Variants in JAKMIP1 observed in about 807,000 individuals in gnomAD.
JAKMIP1 encodes the protein janus kinase and microtubule interacting protein 1, also known as janus kinase and microtubule-interacting protein 1.
A neutral mutation model predicts 113.0 loss-of-function variants in JAKMIP1; 33 were observed. That is an observed-to-expected ratio of 0.29 (90% confidence interval 0.22 to 0.39). The LOEUF (loss-of-function observed/expected upper bound fraction) is 0.39. JAKMIP1 is among the 10% of genes least tolerant of loss of function. The pLI is 1.00. For synonymous variants in JAKMIP1, 480 were observed against 459.9 expected (o/e 1.04, Z -0.56); for missense variants, 813 against 1,080.5 (o/e 0.75, Z 3.47).
intron 11 of JAKMIP1, among the ~76,000 whole-genome samples, chr4:6,056,973 C>T (rs1469350877): frequency 6.6e-6 from 1 of 152,216 alleles, no homozygotes; most frequent in African/African-American, 2.4e-5. Context: ...ACTTCGTTCA[C>T]ATTCCCAAAA....
At chr4:6,152,667 T>G (rs1721714306) in intron 1 of JAKMIP1, among the ~76,000 whole-genome samples, 1 of 150,824 alleles carries the variant, frequency 6.6e-6, no homozygotes, top group Non-Finnish European at 1.5e-5. Context: ...CCTGGCCGAG[T>G]GTGGTGCCTC....
rs1211884051 is a variant in JAKMIP1, at chr4:6,193,831, T to C, written c.-148+6422A>G. Among the ~76,000 whole-genome samples the C allele has an allele frequency of 6.6e-6, 1 of 152,110 alleles. No individual in the cohort carries two copies. The stretch of plus-strand genomic sequence containing the variant: ...AATAGGACCTGAGCAGCCAAAGCCC[T>C]GGGAAGAAAATGTTAACACCCTGAG... On this transcript the variant is annotated intron_variant, in intron 1 of 20. Transcript: ENST00000409021. This position sits in a 1 kb window ranked among gnomAD's most constrained non-coding sequence, Gnocchi z 6.4.
intron 3 of JAKMIP1, among the ~76,000 whole-genome samples, chr4:6,103,431 T>A (rs1259137046): frequency 6.6e-6 from 1 of 152,226 alleles, no homozygotes; most frequent in Non-Finnish European, 1.5e-5. Context: ...CTCGTACTCT[T>A]GTATCTATGT....
At chr4:6,189,340 T>TA (rs960614196) in intron 1 of JAKMIP1, among the ~76,000 whole-genome samples, 1 of 152,240 alleles carries the variant, frequency 6.6e-6, no homozygotes, top group African/African-American at 2.4e-5. Flanking sequence ...TCTGGACTGA[T>TA]ACAACAATCA....
Position 6,197,974 on chromosome 4 carries a change from G to A in JAKMIP1, c.-148+2279C>T, listed in dbSNP as rs931055890. Among the ~76,000 whole-genome samples, 20 of 152,152 alleles carry A rather than the reference G, an allele frequency of 1.3e-4. No homozygotes were observed. Among genetic ancestry groups the A allele is most frequent in the African/African-American group, 4.6e-4 (19 of 41,420 alleles). ...CTCGTGCAGCCTTCCTGGCCGGGCC[G>A]CCTGTCCCCATCTCTCCCTGCACAT... On this transcript the variant is annotated intron_variant, in intron 1 of 20. Coordinates refer to ENST00000409021, the MANE Select transcript of JAKMIP1 (RefSeq NM_001099433.2). This position sits in a 1 kb window ranked among gnomAD's most constrained non-coding sequence, Gnocchi z 6.5.
At chr4:6,110,241 T>C (rs975528218) in intron 2 of JAKMIP1, among the ~76,000 whole-genome samples, 1 of 152,096 alleles carries the variant, frequency 6.6e-6, no homozygotes, top group African/African-American at 2.4e-5. Context: ...GGTGTCTTTG[T>C]AAGAACAGAA....
chr4:6,194,285 T>C lies in JAKMIP1; in HGVS notation c.-148+5968A>G, dbSNP rs1442242653. ...TTGTACCATTGAAAACGGTTTACAG[T>C]AAATGAATTTCACCTCAATTTTTTT... On this transcript the variant is annotated intron_variant, in intron 1 of 20. Coordinates refer to ENST00000409021, the MANE Select transcript of JAKMIP1 (RefSeq NM_001099433.2). The surrounding 1 kb of genome is among the most constrained non-coding windows in gnomAD (Gnocchi z 7.4). Among the ~76,000 whole-genome samples the C allele has an allele frequency of 1.3e-5, 2 of 152,054 alleles. No individual in the cohort carries two copies. Among genetic ancestry groups the C allele is most frequent in the African/African-American group, 4.8e-5 (2 of 41,390 alleles).
rs1397754890 is a variant in JAKMIP1 at position 6,069,702 on chromosome 4, G to A, written c.1303-4694C>T. 6.6e-6 allele frequency among the ~76,000 whole-genome samples: 1 copy of A among 150,780 alleles called. No homozygotes were observed. Among genetic ancestry groups the A allele is most frequent in the Non-Finnish European group, 1.5e-5 (1 of 67,938 alleles). ...TGGGAGGTTGGGGCTGCAGTGAGCT[G>A]TGATTGTGCCTCTGCACTCCAGCCT... On this transcript the variant is annotated intron_variant, in intron 8 of 20. Transcript: ENST00000409021. This position sits in a 1 kb window ranked among gnomAD's most constrained non-coding sequence, Gnocchi z 4.5.
rs1482323314 is a variant in JAKMIP1, at chr4:6,116,863, A to C, written c.-147-3866T>G. The stretch of plus-strand genomic sequence containing the variant: ...CTACAGGGCACTGTGATACACAGCT[A>C]TCAAATATCACCTGTCACGGGCAGG... On this transcript the variant is annotated intron_variant, in intron 1 of 20. Coordinates refer to ENST00000409021, the MANE Select transcript of JAKMIP1 (RefSeq NM_001099433.2). This position sits in a 1 kb window ranked among gnomAD's most constrained non-coding sequence, Gnocchi z 5.1. 6.6e-6 allele frequency among the ~76,000 whole-genome samples: 1 copy of C among 152,230 alleles called. No homozygotes were observed. The highest frequency in any genetic ancestry group is 2.4e-5 in the African/African-American group (1 of 41,456).
chr4:6,147,169 C>T (rs1026368221), intron 1 of JAKMIP1, among the ~76,000 whole-genome samples: 8 of 152,122 alleles, frequency 5.3e-5, no homozygotes, highest in African/African-American at 1.9e-4. Context: ...ACCATGTTGG[C>T]CAGGCTGGTC....
chr4:6,080,388 C>A lies in JAKMIP1; in HGVS notation c.1102-76G>T, dbSNP rs2108819975. On this transcript the variant is annotated intron_variant, in intron 6 of 20. Coordinates refer to ENST00000409021, the MANE Select transcript of JAKMIP1 (RefSeq NM_001099433.2). The surrounding 1 kb of genome is among the most constrained non-coding windows in gnomAD (Gnocchi z 6.0). Reference sequence around the variant, plus strand: ...TGTTAGGGACAGTGCTGGAGTGGAGCTCAGGGGTGCAGGGACAGAAGGATG... The same window carrying A: ...TGTTAGGGACAGTGCTGGAGTGGAGATCAGGGGTGCAGGGACAGAAGGATG... The A allele has an allele frequency of 2.0e-6, 3 of 1,529,934 alleles. No homozygotes were observed. Among genetic ancestry groups the A allele is most frequent in the East Asian group, 2.3e-5 (1 of 43,442 alleles). The allele number at this position is 1,529,934 out of a possible 1,614,324, so 94.8% of individuals were successfully genotyped here. A position where few individuals can be genotyped will look rare whatever the true frequency, so the allele number is the denominator to read the frequency against.
chr4:6,077,040 C>T (rs1214985824), intron 8 of JAKMIP1, among the ~76,000 whole-genome samples: 1 of 152,172 alleles, frequency 6.6e-6, no homozygotes, highest in African/African-American at 2.4e-5. Flanking sequence ...AAATTACAGA[C>T]ATTTAAAATC....
chr4:6,137,852 C>T lies in JAKMIP1; in HGVS notation c.-147-24855G>A, dbSNP rs1246323301. 6.6e-6 allele frequency among the ~76,000 whole-genome samples: 1 copy of T among 152,214 alleles called. No homozygotes were observed. The highest frequency in any genetic ancestry group is 1.5e-5 in the Non-Finnish European group (1 of 68,036). ...GCATGGGCCTGGCAGACAAGGTGTG[C>T]TCTGGCGTTGGGGGTCCAACCATGG... On this transcript the variant is annotated intron_variant, in intron 1 of 20. Coordinates refer to ENST00000409021, the MANE Select transcript of JAKMIP1 (RefSeq NM_001099433.2). This position sits in a 1 kb window ranked among gnomAD's most constrained non-coding sequence, Gnocchi z 4.5.
intron 1 of JAKMIP1, among the ~76,000 whole-genome samples, chr4:6,196,122 T>A (rs941954148): frequency 2.6e-5 from 4 of 152,202 alleles, no homozygotes; most frequent in African/African-American, 7.2e-5. Context: ...ACTGGGGAGC[T>A]GCCCCTCCCA....
Position 6,105,659 on chromosome 4 carries a change from T to G in JAKMIP1, c.438A>C (p.Gly146=). The change falls in exon 3 of 21, where the codon GGA becomes GGC. Residue 146 remains glycine (G), a synonymous_variant. Coordinates refer to ENST00000409021, the MANE Select transcript of JAKMIP1 (RefSeq NM_001099433.2). ...TCTCCTGCTGCAGCCGCAGGCGCTC[T>G]CCATCGAAGGCCCTGCGCGCCTCCT... ...AREEARRAFD[G]ERLRLQQEIL... 1.2e-6 allele frequency: 2 copies of G among 1,601,612 alleles called. No homozygotes were observed. The highest frequency in any genetic ancestry group is 1.7e-6 in the Non-Finnish European group (2 of 1,175,550).
chr4:6,133,803 C>T (rs980989504), intron 1 of JAKMIP1, among the ~76,000 whole-genome samples: 9 of 152,222 alleles, frequency 5.9e-5, no homozygotes, highest in African/African-American at 2.2e-4. Flanking sequence ...GGTCATATGA[C>T]TAGACCTGAC....
chr4:6,081,888 T>C lies in JAKMIP1; in HGVS notation c.955-133A>G. On this transcript the variant is annotated intron_variant, in intron 5 of 20. Coordinates refer to ENST00000409021, the MANE Select transcript of JAKMIP1 (RefSeq NM_001099433.2). The surrounding 1 kb of genome is among the most constrained non-coding windows in gnomAD (Gnocchi z 4.6). ...CCAGTGTCCTGGATGACACATTTGT[T>C]TGCTAGTTGCATGACAATGGGCAAG... is the stretch of plus-strand genomic sequence containing the variant. The C allele has an allele frequency of 1.0e-6, 1 of 974,220 alleles. No homozygotes were observed. Among genetic ancestry groups the C allele is most frequent in the Middle Eastern group, 3.1e-4 (1 of 3,270 alleles). The allele number at this position is 974,220 out of a possible 1,614,324, so 60.3% of individuals were successfully genotyped here. A position where few individuals can be genotyped will look rare whatever the true frequency, so the allele number is the denominator to read the frequency against.
In JAKMIP1 at chr4:6,097,708, C is replaced by CA. The variant is rs1384709137; in HGVS notation, c.624+7764dup. On this transcript the variant is annotated intron_variant, in intron 3 of 20. Coordinates refer to ENST00000409021, the MANE Select transcript of JAKMIP1 (RefSeq NM_001099433.2). This position sits in a 1 kb window ranked among gnomAD's most constrained non-coding sequence, Gnocchi z 4.3. The stretch of plus-strand genomic sequence containing the variant: ...TACAGATCACTTCCCCATTTTGCAA[C>CA]AAAAAATGCAATAAGAAGCGTTCAT... Among the ~76,000 whole-genome samples, 9 of 152,278 alleles carry CA rather than the reference C, an allele frequency of 5.9e-5. No homozygotes were observed. The East Asian group carries it at 1.2e-3, about 20-fold the overall frequency.
rs888577313 is a variant in JAKMIP1 at position 6,199,578 on chromosome 4, G to A, written c.-148+675C>T. Among the ~76,000 whole-genome samples the A allele has an allele frequency of 5.9e-5, 9 of 152,082 alleles. No individual in the cohort carries two copies. The highest frequency in any genetic ancestry group is 1.2e-4 in the Non-Finnish European group (8 of 67,964). ...CGCCCAGGGCGCGCCGGCCCGGCAGGAGGGTGGGTGCCAGCCTTTCTTCCC... is the reference window on the plus strand; with the variant it reads ...CGCCCAGGGCGCGCCGGCCCGGCAGAAGGGTGGGTGCCAGCCTTTCTTCCC... On this transcript the variant is annotated intron_variant, in intron 1 of 20. Coordinates refer to ENST00000409021, the MANE Select transcript of JAKMIP1 (RefSeq NM_001099433.2). The surrounding 1 kb of genome is among the most constrained non-coding windows in gnomAD (Gnocchi z 5.6).
Sources: gnomAD v4.1 joint callset for allele counts (sites outside exome capture counted in the v4.1 genomes callset) on GRCh38, gnomAD v4.1.1 for gene constraint, Gnocchi (gnomAD v3.1) non-coding constraint, MANE v1.5 for transcripts, NCBI Gene and HGNC (gene_info 2026-07-23, HGNC 2026-07-21) for gene names.